Variants in ACTN4 observed in about 807,000 individuals in gnomAD.
ACTN4 encodes the protein alpha-actinin-4.
A neutral mutation model predicts 114.2 loss-of-function variants in ACTN4; 18 were observed. The ratio of observed to expected loss-of-function variants is 0.16; its 90% confidence interval spans 0.11 to 0.23. ACTN4 has a LOEUF of 0.23. Among genes scored for constraint, ACTN4 ranks in the 10% least tolerant of loss-of-function variants. ACTN4 has a pLI of 1.00. For synonymous variants in ACTN4, 515 were observed against 506.3 expected, an observed-to-expected ratio of 1.02 and a Z score of -0.23; for missense variants, 722 against 1,262.9, an observed-to-expected ratio of 0.57 and a Z score of 6.49.
intron 1 of ACTN4, among the ~76,000 whole-genome samples, chr19:38,696,153 T>C (rs1968084843): frequency 6.6e-6 from 1 of 152,190 alleles, no homozygotes. Flanking sequence ...GCTGTTATTA[T>C]TACCACTTTT....
chr19:38,712,084 G>A (rs910092059), intron 8 of ACTN4, among the ~76,000 whole-genome samples: 7 of 152,214 alleles, frequency 4.6e-5, no homozygotes, highest in South Asian at 2.1e-4. Flanking sequence ...ATCGATTCTT[G>A]TTTACTGAAC....
rs980886969 is a variant in ACTN4, at chr19:38,727,488, G to A, written c.2337+385G>A. Reference sequence around the variant, plus strand: ...CAGCCTCATCAGAGGGGCCCTGAGCGCCAGAGTTTGCTGCCATCCCCAGCC... The same window carrying A: ...CAGCCTCATCAGAGGGGCCCTGAGCACCAGAGTTTGCTGCCATCCCCAGCC... On this transcript the variant is annotated intron_variant, in intron 18 of 20. Coordinates refer to ENST00000252699, the MANE Select transcript of ACTN4 (RefSeq NM_004924.6). This position sits in a 1 kb window ranked among gnomAD's most constrained non-coding sequence, Gnocchi z 5.4. 1.8e-4 allele frequency among the ~76,000 whole-genome samples: 27 copies of A among 152,112 alleles called. No homozygotes were observed. The highest frequency in any genetic ancestry group is 4.8e-5 in the African/African-American group (2 of 41,396).
chr19:38,648,488 G>T (rs1162724324), intron 1 of ACTN4, among the ~76,000 whole-genome samples: 1 of 151,948 alleles, frequency 6.6e-6, no homozygotes, highest in East Asian at 1.9e-4. Context: ...GTCTGAAGAC[G>T]GGTGGGAAGA....
At chr19:38,653,616 T>C (rs1906433646) in intron 1 of ACTN4, among the ~76,000 whole-genome samples, 1 of 152,208 alleles carries the variant, frequency 6.6e-6, no homozygotes, top group African/African-American at 2.4e-5. Context: ...GCTTTATCTT[T>C]ATTCCTTCAT....
rs112599882 is a variant in ACTN4 at position 38,719,827 on chromosome 19, G to A, written c.1292-1711G>A. ...TGCAGATGGTTTCCTGAGGCCAAGGGGCTGGGTGTGGTGGCCCCACTGGCA... is the reference window on the plus strand; with the variant it reads ...TGCAGATGGTTTCCTGAGGCCAAGGAGCTGGGTGTGGTGGCCCCACTGGCA... On this transcript the variant is annotated intron_variant, in intron 11 of 20. Transcript: ENST00000252699. Among the ~76,000 whole-genome samples, 768 of 152,350 alleles carry A rather than the reference G, an allele frequency of 5.0e-3. 8 individuals are homozygous for A. Among genetic ancestry groups the A allele is most frequent in the African/African-American group, 0.018 (730 of 41,594 alleles).
At chr19:38,722,833 C>G (rs1186595920) in intron 12 of ACTN4, among the ~76,000 whole-genome samples, 3 of 152,190 alleles carry the variant, frequency 2.0e-5, no homozygotes, top group African/African-American at 7.2e-5. Context: ...CTATGTGAAA[C>G]CCATTACTCT....
chr19:38,721,806 C>T, intron 12 of ACTN4, 118 bp downstream of exon 12: 1 of 1,434,790 alleles, frequency 7.0e-7, no homozygotes, highest in Non-Finnish European at 9.5e-7. Flanking sequence ...GTCCCCAGTG[C>T]CCCAACTGCA....
At chr19:38,706,021 C>A in intron 4 of ACTN4, 23 bp from the exon 5 acceptor site, 1 of 1,613,124 alleles carries the variant, frequency 6.2e-7, no homozygotes, top group South Asian at 1.1e-5. Flanking sequence ...AGCCAGTGCT[C>A]ACTGTCTTTG....
intron 1 of ACTN4, among the ~76,000 whole-genome samples, chr19:38,697,913 C>A (rs1043441767): frequency 5.9e-5 from 9 of 152,238 alleles, no homozygotes; most frequent in Non-Finnish European, 1.0e-4. Context: ...CTGGGCTCCA[C>A]GCCTGCTTGC....
intron 4 of ACTN4, among the ~76,000 whole-genome samples, chr19:38,705,561 T>G (rs1968429421): frequency 6.6e-6 from 1 of 152,232 alleles, no homozygotes; most frequent in Non-Finnish European, 1.5e-5. Flanking sequence ...ATGTGCTTCC[T>G]GCCCTCGAAG....
At chr19:38,719,947 C>T (rs372699060) in intron 11 of ACTN4, among the ~76,000 whole-genome samples, 1 of 152,242 alleles carries the variant, frequency 6.6e-6, no homozygotes, top group East Asian at 1.9e-4. Context: ...TCAGCGGCCT[C>T]CACACGTCCC....
In ACTN4 at chr19:38,708,154, C is replaced by T. The variant is rs915950010; in HGVS notation, c.610C>T (p.Arg204Trp). 8.7e-6 allele frequency: 14 copies of T among 1,614,070 alleles called. No homozygotes were observed. Among genetic ancestry groups the T allele is most frequent in the African/African-American group, 1.3e-5 (1 of 74,932 alleles). The change falls in exon 6 of 21, where the codon CGG becomes TGG. Residue 204 changes from arginine to tryptophan, a missense_variant. By Grantham distance (101) the Arg-to-Trp change is moderately radical (BLOSUM62 -3). Transcript: ENST00000252699. ...DGLAFNALIH[R>W]HRPELIEYDK... ...TCTTGCCTTCAATGCCCTGATCCAC[C>T]GGCACAGACCAGAGCTGATTGAGTA...
Position 38,706,063 on chromosome 19 carries a change from G to A in ACTN4, c.504G>A (p.Gly168=). The change falls in exon 5 of 21, where the codon GGG becomes GGA. Residue 168 remains glycine (G), a synonymous_variant. Coordinates refer to ENST00000252699, the MANE Select transcript of ACTN4 (RefSeq NM_004924.6). ...ISVEETSAKE[G]LLLWCQRKTA... is the part of the protein sequence containing the mutation. ...TTGCAGAGACCTCGGCCAAGGAAGG[G>A]CTCCTTCTCTGGTGCCAGAGAAAGA... 6.2e-7 allele frequency: 1 copy of A among 1,614,126 alleles called. No individual in the cohort carries two copies.
intron 1 of ACTN4, among the ~76,000 whole-genome samples, chr19:38,653,043 G>A (rs185530313): frequency 4.1e-5 from 6 of 148,040 alleles, no homozygotes; most frequent in African/African-American, 9.9e-5. Flanking sequence ...CCAAGATCGC[G>A]CTACTGCACT....
At chr19:38,698,683 A>C (rs1968171092) in intron 1 of ACTN4, among the ~76,000 whole-genome samples, 1 of 152,162 alleles carries the variant, frequency 6.6e-6, no homozygotes, top group South Asian at 2.1e-4. Context: ...GTGGGGGAAC[A>C]GCGTTGTGCC....
intron 1 of ACTN4, among the ~76,000 whole-genome samples, chr19:38,685,898 C>T (rs557830778): frequency 1.3e-5 from 2 of 152,272 alleles, no homozygotes; most frequent in East Asian, 1.9e-4. Context: ...ACCCTTACCA[C>T]GATTAAAGAT....
At chr19:38,688,291 G>A (rs905483352) in intron 1 of ACTN4, among the ~76,000 whole-genome samples, 3 of 145,812 alleles carry the variant, frequency 2.1e-5, no homozygotes, top group African/African-American at 7.6e-5. Flanking sequence ...GCTCATGCCT[G>A]TAATCCTAGC....
rs1408756574 is a variant in ACTN4, at chr19:38,730,540, GCAT to G, written c.*1113_*1115del. On this transcript the variant is annotated 3_prime_UTR_variant, in exon 21 of 21. Transcript: ENST00000252699. ...AATATTTTTAAGAAGGATTCCTGCA[GCAT>G]CATCTTTTTTTATTTCTCCTGTGTC... is the stretch of plus-strand genomic sequence containing the variant. 8.8e-6 allele frequency: 4 copies of G among 455,218 alleles called. No individual in the cohort carries two copies. Among genetic ancestry groups the G allele is most frequent in the African/African-American group, 5.8e-5 (3 of 51,426 alleles). The allele number at this position is 455,218 out of a possible 1,614,324, so 28.2% of individuals were successfully genotyped here.
chr19:38,714,624 C>G, intron 9 of ACTN4, 63 bp downstream of exon 9: 1 of 1,533,818 alleles, frequency 6.5e-7, no homozygotes, highest in Non-Finnish European at 9.0e-7. Flanking sequence ...GTCACTGTGA[C>G]TCTTGCAGGG....
Sources: gnomAD v4.1 joint callset for allele counts (sites outside exome capture counted in the v4.1 genomes callset) on GRCh38, gnomAD v4.1.1 for gene constraint, Gnocchi (gnomAD v3.1) non-coding constraint, MANE v1.5 for transcripts, NCBI Gene and HGNC (gene_info 2026-07-23, HGNC 2026-07-21) for gene names.